Variants in TAF2 observed in about 807,000 individuals in gnomAD.
TAF2 encodes the protein transcription initiation factor TFIID subunit 2.
A neutral mutation model predicts 138.5 loss-of-function variants in TAF2; 61 were observed. That is an observed-to-expected ratio of 0.44 (90% CI 0.36 to 0.54). The LOEUF is 0.54. TAF2 is among the 20% of genes least tolerant of loss of function. TAF2 has a pLI of 0.00. For synonymous variants in TAF2, 475 were observed against 469.9 expected (o/e 1.01, Z -0.14); for missense variants, 1,090 against 1,427.9 (o/e 0.76, Z 3.81).
At chr8:119,821,271 G>A (rs1189468355) in intron 2 of TAF2, among the ~76,000 whole-genome samples, 1 of 152,140 alleles carries the variant, frequency 6.6e-6, no homozygotes, top group Non-Finnish European at 1.5e-5. Flanking sequence ...ATAACTGCAA[G>A]CCTCTCGGGT....
chr8:119,819,178 A>G (rs1825671465), intron 3 of TAF2, among the ~76,000 whole-genome samples, 168 bp downstream of exon 3: 4 of 152,206 alleles, frequency 2.6e-5, no homozygotes, highest in African/African-American at 9.6e-5. Flanking sequence ...GGGCACAGCT[A>G]GCAAAATCAC....
At position 119,819,512 on chromosome 8, in the gene TAF2, A is replaced by ACTTG; in HGVS notation, c.139-7_139-6insCAAG. On this transcript the variant is annotated splice_polypyrimidine_tract_variant and splice_region_variant and intron_variant, in intron 2 of 25. Transcript: ENST00000378164. ...ATAGTCAGTTCCACAAATCCCTGTAAAGATAGAGAATAACAACTTCATTAT... is the reference window on the plus strand; with the variant it reads ...ATAGTCAGTTCCACAAATCCCTGTAACTTGAGATAGAGAATAACAACTTCATTAT... The ACTTG allele has an allele frequency of 6.2e-7, 1 of 1,600,966 alleles. No homozygotes were observed. Among genetic ancestry groups the ACTTG allele is most frequent in the Non-Finnish European group, 8.5e-7 (1 of 1,175,880 alleles).
intron 15 of TAF2, among the ~76,000 whole-genome samples, chr8:119,783,941 T>C (rs753490929): frequency 1.3e-5 from 2 of 152,208 alleles, no homozygotes; most frequent in Non-Finnish European, 2.9e-5. Context: ...TGAAATTATT[T>C]TGGTGATTTT....
intron 3 of TAF2, among the ~76,000 whole-genome samples, chr8:119,811,528 C>T (rs954067351): frequency 4.6e-5 from 7 of 152,040 alleles, no homozygotes; most frequent in Non-Finnish European, 8.8e-5. Context: ...CAAAACAGGC[C>T]GGGCACGGTG....
At chr8:119,735,572 C>A (rs1819171407) in intron 25 of TAF2, among the ~76,000 whole-genome samples, 2 of 152,104 alleles carry the variant, frequency 1.3e-5, no homozygotes, top group African/African-American at 4.8e-5. Flanking sequence ...TTTAGTATCC[C>A]AAAATTCTAT....
intron 22 of TAF2, among the ~76,000 whole-genome samples, 178 bp downstream of exon 22, chr8:119,755,828 G>A (rs1363191350): frequency 4.6e-5 from 7 of 152,002 alleles, no homozygotes. Context: ...AGTAAAGTGA[G>A]TATATCCTTA....
chr8:119,787,345 T>TA (rs1435161508), intron 14 of TAF2, among the ~76,000 whole-genome samples: 1 of 151,406 alleles, frequency 6.6e-6, no homozygotes, highest in Non-Finnish European at 1.5e-5. Flanking sequence ...CCCTAAAACT[T>TA]AAAGTATAAT....
intron 18 of TAF2, among the ~76,000 whole-genome samples, chr8:119,763,671 A>G (rs1338253455): frequency 6.6e-6 from 1 of 152,150 alleles, no homozygotes; most frequent in Non-Finnish European, 1.5e-5. Context: ...CGGAGGTTGC[A>G]GTGAGCCGAA....
intron 6 of TAF2, among the ~76,000 whole-genome samples, chr8:119,799,458 T>C (rs1306826023): frequency 6.6e-6 from 1 of 152,198 alleles, no homozygotes. Flanking sequence ...TCCAGCTTCA[T>C]CCATGTCCCT....
chr8:119,796,342 T>G (rs1038839457), intron 8 of TAF2, among the ~76,000 whole-genome samples: 1 of 152,102 alleles, frequency 6.6e-6, no homozygotes, highest in African/African-American at 2.4e-5. Context: ...ATTTCCATAC[T>G]ATATATAGTA....
intron 21 of TAF2, among the ~76,000 whole-genome samples, chr8:119,757,407 A>G (rs935348183): frequency 3.9e-5 from 6 of 152,056 alleles, no homozygotes; most frequent in African/African-American, 1.4e-4. Flanking sequence ...CTCATACTCT[A>G]TTTCTAAGAG....
chr8:119,830,178 G>A (rs759005398), intron 2 of TAF2, among the ~76,000 whole-genome samples: 1 of 152,052 alleles, frequency 6.6e-6, no homozygotes, highest in African/African-American at 2.4e-5. Flanking sequence ...GACTACAGGT[G>A]TGAGCCACCG....
At chr8:119,819,585 T>A in intron 2 of TAF2, 79 bp from the exon 3 acceptor site, 2 of 1,188,900 alleles carry the variant, frequency 1.7e-6, no homozygotes, top group Admixed American at 1.7e-5. Context: ...TTACCACTTG[T>A]ACACATATTA....
chr8:119,780,050 C>A (rs1380862619), intron 17 of TAF2, among the ~76,000 whole-genome samples: 2 of 152,304 alleles, frequency 1.3e-5, no homozygotes, highest in Middle Eastern at 3.4e-3. Context: ...GTTCTTATAT[C>A]TTTGACTAAA....
chr8:119,797,613 T>G (rs780019851), intron 7 of TAF2, 49 bp downstream of exon 7: 51 of 1,564,192 alleles, frequency 3.3e-5, no homozygotes, highest in African/African-American at 4.1e-5. Flanking sequence ...TAAATTTTCT[T>G]CATATCATGA....
At chr8:119,809,299 C>G (rs1445371466) in intron 3 of TAF2, among the ~76,000 whole-genome samples, 4 of 152,194 alleles carry the variant, frequency 2.6e-5, no homozygotes, top group African/African-American at 9.7e-5. Context: ...CTGCAGCTTC[C>G]TCACCTCTCA....
At chr8:119,758,001 T>C in intron 21 of TAF2, 72 bp downstream of exon 21, 2 of 1,218,732 alleles carry the variant, frequency 1.6e-6, no homozygotes, top group Non-Finnish European at 2.4e-6. Context: ...AAGCATTTTA[T>C]GTGTAATCTG....
At chr8:119,747,123 T>C (rs1447769171) in intron 22 of TAF2, among the ~76,000 whole-genome samples, 189 bp from the exon 23 acceptor site, 1 of 152,188 alleles carries the variant, frequency 6.6e-6, no homozygotes, top group African/African-American at 2.4e-5. Flanking sequence ...TTTATAGCCT[T>C]AATTCTTCCT....
intron 22 of TAF2, among the ~76,000 whole-genome samples, chr8:119,749,978 G>A (rs956654529): frequency 6.6e-6 from 1 of 152,158 alleles, no homozygotes; most frequent in South Asian, 2.1e-4. Context: ...AGGAAACCCA[G>A]TATTAATGTT....
Sources: gnomAD v4.1 joint callset for allele counts (sites outside exome capture counted in the v4.1 genomes callset) on GRCh38, gnomAD v4.1.1 for gene constraint, MANE v1.5 for transcripts, NCBI Gene and HGNC (gene_info 2026-07-23, HGNC 2026-07-21) for gene names.